Variants in GRM7 observed in about 807,000 individuals in gnomAD.
The protein encoded by GRM7 is metabotropic glutamate receptor 7.
GRM7 carries 35 observed loss-of-function variants against 84.5 expected under a neutral mutation model. The ratio of observed to expected loss-of-function variants is 0.41; its 90% CI spans 0.32 to 0.55. The LOEUF (loss-of-function observed/expected upper bound fraction) is 0.55. Among genes scored for constraint, GRM7 ranks in the 20% least tolerant of loss-of-function variants. The pLI, the probability that GRM7 is intolerant of heterozygous loss-of-function variation, is 0.19. For synonymous variants in GRM7, 487 were observed against 455.1 expected (o/e 1.07, Z -0.89); for missense variants, 1,003 against 1,194.6 (o/e 0.84, Z 2.36).
intron 8 of GRM7, among the ~76,000 whole-genome samples, chr3:7,629,373 T>C (rs770989827): frequency 6.6e-6 from 1 of 152,190 alleles, no homozygotes; most frequent in Non-Finnish European, 1.5e-5. Flanking sequence ...AAAATGAGGA[T>C]GCCAGCAGGG....
At chr3:7,521,857 C>T (rs1253387329) in intron 7 of GRM7, among the ~76,000 whole-genome samples, 1 of 152,136 alleles carries the variant, frequency 6.6e-6, no homozygotes, top group African/African-American at 2.4e-5. Flanking sequence ...TTTCTGCATG[C>T]AAAATCATTT....
At chr3:7,663,078 C>T (rs1381364960) in intron 8 of GRM7, among the ~76,000 whole-genome samples, 1 of 152,130 alleles carries the variant, frequency 6.6e-6, no homozygotes, top group Non-Finnish European at 1.5e-5. Flanking sequence ...TTAATTGGAA[C>T]TGAGATGCCC....
At chr3:7,686,464 A>C in intron 9 of GRM7, 1 of 1,120,544 alleles carries the variant, frequency 8.9e-7, no homozygotes. Flanking sequence ...AAAACAATCT[A>C]ATTCTTATTT....
chr3:6,988,027 T>C (rs1694486620), intron 1 of GRM7, among the ~76,000 whole-genome samples: 1 of 147,402 alleles, frequency 6.8e-6, no homozygotes, highest in Non-Finnish European at 1.5e-5. Flanking sequence ...GACGGAGTCT[T>C]GCTCTGTCAC....
At chr3:7,179,482 A>G (rs1695266603) in intron 2 of GRM7, among the ~76,000 whole-genome samples, 1 of 152,216 alleles carries the variant, frequency 6.6e-6, no homozygotes, top group African/African-American at 2.4e-5. Context: ...ATAGACATCA[A>G]CCACTGGTTT....
chr3:7,738,723 C>CTT (rs746436373), intron 9 of GRM7, among the ~76,000 whole-genome samples: 3 of 131,682 alleles, frequency 2.3e-5, no homozygotes, highest in Admixed American at 7.5e-5. Flanking sequence ...TCTGGGTTTT[C>CTT]TTTTTTTTTT....
At chr3:7,130,215 C>G (rs568987729) in intron 1 of GRM7, among the ~76,000 whole-genome samples, 1 of 152,118 alleles carries the variant, frequency 6.6e-6, no homozygotes, top group Admixed American at 6.6e-5. Flanking sequence ...GAACACAATT[C>G]CCAAGTCCAG....
At chr3:7,296,997 A>T (rs1699837850) in intron 2 of GRM7, among the ~76,000 whole-genome samples, 1 of 151,818 alleles carries the variant, frequency 6.6e-6, no homozygotes, top group African/African-American at 2.4e-5. Flanking sequence ...ATTTGTTTTC[A>T]AACTCATTGA....
At chr3:7,596,036 C>T (rs948123925) in intron 8 of GRM7, among the ~76,000 whole-genome samples, 4 of 152,164 alleles carry the variant, frequency 2.6e-5, no homozygotes, top group Admixed American at 6.5e-5. Flanking sequence ...GCACTGTTCA[C>T]TGTTACAGTA....
chr3:7,589,617 C>T (rs1209447472), intron 8 of GRM7, among the ~76,000 whole-genome samples: 7 of 152,210 alleles, frequency 4.6e-5, no homozygotes, highest in Admixed American at 3.3e-4. Context: ...GGGTTGAGAG[C>T]TGTGTGGATG....
At chr3:7,223,844 C>T (rs758200187) in intron 2 of GRM7, among the ~76,000 whole-genome samples, 1 of 152,194 alleles carries the variant, frequency 6.6e-6, no homozygotes, top group Non-Finnish European at 1.5e-5. Context: ...GGCTGCTATG[C>T]AGAGGAACTT....
Position 7,499,778 on chromosome 3 carries a change from C to CTT in GRM7, c.1515+38069_1515+38070dup, listed in dbSNP as rs112392895. ...TTGTAGAGTTGGCCTAGACACCATT[C>CTT]TTTTTTTTTTTTTTGAGATGGAGTC... On this transcript the variant is annotated intron_variant, in intron 7 of 9. Coordinates refer to ENST00000357716, the MANE Select transcript of GRM7 (RefSeq NM_000844.4). Among the ~76,000 whole-genome samples, 232 of 144,400 alleles carry CTT rather than the reference C, an allele frequency of 1.6e-3. 4 individuals are homozygous for CTT. In the South Asian group the frequency reaches 0.019, roughly 12 times the overall value. The allele number at this position is 144,400 out of a possible 152,430, so 94.7% of individuals were successfully genotyped here. A position where few individuals can be genotyped will look rare whatever the true frequency, so the allele number is the denominator to read the frequency against.
At chr3:7,024,492 G>T (rs987455796) in intron 1 of GRM7, among the ~76,000 whole-genome samples, 7 of 152,346 alleles carry the variant, frequency 4.6e-5, no homozygotes, top group Non-Finnish European at 1.0e-4. Flanking sequence ...GTAGGAGGTG[G>T]TGTTTGAACT....
chr3:7,124,562 C>T (rs755663622), intron 1 of GRM7, among the ~76,000 whole-genome samples: 18 of 152,054 alleles, frequency 1.2e-4, no homozygotes, highest in Non-Finnish European at 2.1e-4. Flanking sequence ...CTGGCAAACC[C>T]AGAATATAAA....
At chr3:7,225,239 T>C (rs1364305321) in intron 2 of GRM7, among the ~76,000 whole-genome samples, 1 of 151,710 alleles carries the variant, frequency 6.6e-6, no homozygotes, top group East Asian at 1.9e-4. Flanking sequence ...CCTTTCAAAT[T>C]GCTTTTTTAA....
Position 7,293,054 on chromosome 3 carries a change from G to T in GRM7, c.737-5630G>T, listed in dbSNP as rs548632667. Among the ~76,000 whole-genome samples, 14 of 140,060 alleles carry T rather than the reference G, an allele frequency of 1.0e-4. No individual in the cohort carries two copies. The East Asian group carries it at 2.9e-3, about 29-fold the overall frequency. 91.9% of individuals were successfully genotyped at this position (140,060 alleles called of 152,430 possible). Reference sequence around the variant, plus strand: ...GGTCTCAAAAAAAAAAAAAAAAATTGAGCTTTTCTTATAATAGTCTCAATA... The same window carrying T: ...GGTCTCAAAAAAAAAAAAAAAAATTTAGCTTTTCTTATAATAGTCTCAATA... On this transcript the variant is annotated intron_variant, in intron 2 of 9. Transcript: ENST00000357716.
intron 1 of GRM7, among the ~76,000 whole-genome samples, chr3:7,093,631 C>A (rs529700718): frequency 8.1e-6 from 1 of 123,392 alleles, no homozygotes; most frequent in South Asian, 2.8e-4. Flanking sequence ...AACACTAGAT[C>A]ACACCACTGC....
chr3:7,730,786 A>G (rs989854819), intron 9 of GRM7, among the ~76,000 whole-genome samples: 1 of 152,230 alleles, frequency 6.6e-6, no homozygotes, highest in Non-Finnish European at 1.5e-5. Flanking sequence ...CTGCATTCAT[A>G]ATATGCTCCA....
intron 2 of GRM7, among the ~76,000 whole-genome samples, chr3:7,259,951 C>CTGTTTTTTTTT (rs1698350563): frequency 1.5e-4 from 2 of 13,434 alleles, no homozygotes; most frequent in Non-Finnish European, 2.4e-4. Context: ...TTACCAGCAT[C>CTGTTTTTTTTT]TGTTTTTTTT....
Sources: allele counts gnomAD v4.1 joint callset (sites outside exome capture counted in the v4.1 genomes callset), GRCh38; gene constraint gnomAD v4.1.1; transcripts MANE v1.5; gene names NCBI Gene and HGNC (gene_info 2026-07-23, HGNC 2026-07-21).